The following SUFU variants were observed in gnomAD, a reference collection of about 807,000 sequenced individuals.
SUFU encodes the protein SUFU negative regulator of hedgehog signaling, also known as suppressor of fused homolog.
A neutral mutation model predicts 58.9 loss-of-function variants in SUFU; 7 were observed. That is an observed-to-expected ratio of 0.12 (90% CI 0.07 to 0.22). The LOEUF (loss-of-function observed/expected upper bound fraction) is 0.22. Among genes scored for constraint, SUFU ranks in the 10% least tolerant of loss-of-function variants. The probability of loss-of-function intolerance (pLI) is 1.00; values close to 1 mark genes in which losing one functional copy is unlikely to be tolerated. For missense variants in SUFU, 451 were observed against 641.3 expected (o/e 0.70, Z 3.20); for synonymous variants, 232 against 254.8 (o/e 0.91, Z 0.85).
At chr10:102,544,278 C>T (rs2062832368) in intron 2 of SUFU, among the ~76,000 whole-genome samples, 1 of 152,168 alleles carries the variant, frequency 6.6e-6, no homozygotes. Context: ...ATCAGGTATA[C>T]CTGAGATGCC....
rs1178867845 is a variant in SUFU, at chr10:102,628,686, C to G, written c.1366-1380C>G. The stretch of plus-strand genomic sequence containing the variant: ...TCTGTCCAGAGGCTGTCCCTACACC[C>G]TGCCTCACTCGCCACTTTGGTCCTG... On this transcript the variant is annotated intron_variant, in intron 11 of 11. Transcript: ENST00000369902. The surrounding 1 kb of genome is among the most constrained non-coding windows in gnomAD (Gnocchi z 4.5). 6.6e-6 allele frequency among the ~76,000 whole-genome samples: 1 copy of G among 152,176 alleles called. No individual in the cohort carries two copies. The highest frequency in any genetic ancestry group is 1.5e-5 in the Non-Finnish European group (1 of 68,030).
In SUFU at chr10:102,507,879, G is replaced by A. The variant is rs988626105; in HGVS notation, c.183-1290G>A. On this transcript the variant is annotated intron_variant, in intron 1 of 11. Coordinates refer to ENST00000369902, the MANE Select transcript of SUFU (RefSeq NM_016169.4). ...AGATGTTTGAGGCAGCTCAAATGCC[G>A]TGTTTGTGGGCTAAATGCAGACTTC... Among the ~76,000 whole-genome samples, 25 of 151,956 alleles carry A rather than the reference G, an allele frequency of 1.6e-4. 1 individual carries two copies. The highest frequency in any genetic ancestry group is 1.5e-3 in the Admixed American group (23 of 15,266).
At chr10:102,541,407 C>CTTT (rs1057263599) in intron 2 of SUFU, among the ~76,000 whole-genome samples, 24 of 2,012 alleles carry the variant, frequency 0.012, no homozygotes, top group African/African-American at 0.016. Context: ...TTCTTTCTTT[C>CTTT]TTTTTTTTTG....
chr10:102,503,097 AC>A, upstream of SUFU, among the ~76,000 whole-genome samples: 1 of 152,294 alleles, frequency 6.6e-6, no homozygotes, highest in South Asian at 2.1e-4. Context: ...GTTCCCTTAG[AC>A]AATATAAGGT....
At chr10:102,518,952 A>G (rs760157219) in intron 2 of SUFU, among the ~76,000 whole-genome samples, 3 of 150,888 alleles carry the variant, frequency 2.0e-5, no homozygotes, top group Non-Finnish European at 3.0e-5. Context: ...ATCCTGGCTA[A>G]CACCCTGAAA....
At chr10:102,627,284 T>G in intron 11 of SUFU, 41 bp downstream of exon 11, 1 of 1,549,202 alleles carries the variant, frequency 6.5e-7, no homozygotes, top group Non-Finnish European at 8.9e-7. Context: ...GTCCCGTCTC[T>G]GGGACCATGT....
At chr10:102,558,255 G>C (rs2063001420) in intron 3 of SUFU, among the ~76,000 whole-genome samples, 1 of 151,986 alleles carries the variant, frequency 6.6e-6, no homozygotes, top group African/African-American at 2.4e-5. Flanking sequence ...CCAGACTAGA[G>C]GCTAGAGTAC....
chr10:102,530,620 A>G (rs1028678352), intron 2 of SUFU, among the ~76,000 whole-genome samples: 2 of 151,334 alleles, frequency 1.3e-5, no homozygotes, highest in East Asian at 3.9e-4. Context: ...TGCTTGGTTA[A>G]TTTTTAAATT....
intron 2 of SUFU, among the ~76,000 whole-genome samples, chr10:102,521,041 C>T (rs1355609162): frequency 6.6e-6 from 1 of 152,220 alleles, no homozygotes; most frequent in Non-Finnish European, 1.5e-5. Context: ...TTATGAGAAG[C>T]TGCCAAACCA....
At chr10:102,521,930 CT>C (rs1177985431) in intron 2 of SUFU, among the ~76,000 whole-genome samples, 2 of 152,140 alleles carry the variant, frequency 1.3e-5, no homozygotes, top group Non-Finnish European at 2.9e-5. Flanking sequence ...ATCCTATCAC[CT>C]TTTGTTTACA....
chr10:102,594,562 C>A (rs1407277903), intron 6 of SUFU, among the ~76,000 whole-genome samples: 1 of 152,184 alleles, frequency 6.6e-6, no homozygotes, highest in Non-Finnish European at 1.5e-5. Context: ...CAGTCAGATG[C>A]AGAGCTCCTA....
At chr10:102,602,694 T>C (rs2063525449) in intron 8 of SUFU, among the ~76,000 whole-genome samples, 1 of 152,124 alleles carries the variant, frequency 6.6e-6, no homozygotes, top group South Asian at 2.1e-4. Context: ...ATTTTGAGGG[T>C]CTATTTCTTC....
chr10:102,632,377 A>G lies in SUFU; in HGVS notation c.*2222A>G, dbSNP rs1038369132. 7 of 233,042 alleles carry G rather than the reference A, an allele frequency of 3.0e-5. No individual in the cohort carries two copies. Among genetic ancestry groups the G allele is most frequent in the African/African-American group, 8.8e-5 (4 of 45,310 alleles). The allele number at this position is 233,042 out of a possible 1,614,324, so 14.4% of individuals were successfully genotyped here. Reference sequence around the variant, plus strand: ...AGCCTGTGGCCCCTTCGTACCTGCAATATGTCAGGAGCCTCACGCTCACCC... The same window carrying G: ...AGCCTGTGGCCCCTTCGTACCTGCAGTATGTCAGGAGCCTCACGCTCACCC... On this transcript the variant is annotated 3_prime_UTR_variant, in exon 12 of 12. Transcript: ENST00000369902.
chr10:102,617,862 G>A lies in SUFU; in HGVS notation c.1296+434G>A. 2 of 390,332 alleles carry A rather than the reference G, an allele frequency of 5.1e-6. No individual in the cohort carries two copies. The highest frequency in any genetic ancestry group is 9.1e-6 in the Non-Finnish European group (2 of 218,648). The allele number at this position is 390,332 out of a possible 1,614,324, so 24.2% of individuals were successfully genotyped here. A position where few individuals can be genotyped will look rare whatever the true frequency, so the allele number is the denominator to read the frequency against. On this transcript the variant is annotated intron_variant, in intron 10 of 11. Transcript: ENST00000369902. The surrounding 1 kb of genome is among the most constrained non-coding windows in gnomAD (Gnocchi z 4.4). ...AATTCAGACAGTGGCATGTGTGCCT[G>A]GACCAGGGCTGGGCAGGCCTCAGTG...
At chr10:102,620,621 C>T (rs1277726670) in intron 10 of SUFU, among the ~76,000 whole-genome samples, 6 of 152,224 alleles carry the variant, frequency 3.9e-5, no homozygotes, top group African/African-American at 1.4e-4. Flanking sequence ...TTCATCCTTG[C>T]TGAGACTGTA....
intron 3 of SUFU, among the ~76,000 whole-genome samples, chr10:102,568,935 T>C (rs55828028): frequency 0.057 from 1,935 of 34,022 alleles, 50 homozygotes; most frequent in Non-Finnish European, 0.079. Flanking sequence ...TATATATATA[T>C]ATATATATAT....
chr10:102,569,713 A>G (rs868521844), intron 3 of SUFU, among the ~76,000 whole-genome samples: 2 of 152,142 alleles, frequency 1.3e-5, no homozygotes, highest in Non-Finnish European at 2.9e-5. Context: ...CTTTATACAG[A>G]TACTCAGAGG....
chr10:102,546,510 T>C (rs1292715273), intron 2 of SUFU, among the ~76,000 whole-genome samples: 1 of 152,176 alleles, frequency 6.6e-6, no homozygotes, highest in Non-Finnish European at 1.5e-5. Flanking sequence ...ATACTTTCCT[T>C]TCTTGGAAGA....
intron 3 of SUFU, among the ~76,000 whole-genome samples, chr10:102,585,275 A>G (rs2063325228): frequency 6.6e-6 from 1 of 152,198 alleles, no homozygotes. Flanking sequence ...CTAATCTACT[A>G]TCTGTTTCCA....
Sources: gnomAD v4.1 joint callset for allele counts (sites outside exome capture counted in the v4.1 genomes callset) on GRCh38, gnomAD v4.1.1 for gene constraint, Gnocchi (gnomAD v3.1) non-coding constraint, MANE v1.5 for transcripts, NCBI Gene and HGNC (gene_info 2026-07-23, HGNC 2026-07-21) for gene names.